Variants in AGBL1 observed in about 807,000 individuals in gnomAD.
AGBL1 encodes AGBL carboxypeptidase 1.
Under a neutral mutation model 118.9 loss-of-function variants are expected in AGBL1, and 130 were observed. The ratio of observed to expected loss-of-function variants is 1.09; its 90% CI spans 0.95 to 1.26. The LOEUF (loss-of-function observed/expected upper bound fraction) is 1.26. AGBL1 is among the 50% of genes most tolerant of loss of function. The pLI is 0.00. For missense variants in AGBL1, 1,584 were observed against 1,298.1 expected (o/e 1.22, Z -3.38); for synonymous variants, 555 against 478.9 (o/e 1.16, Z -2.08).
At chr15:86,592,977 C>A (rs890761249) in intron 21 of AGBL1, among the ~76,000 whole-genome samples, 7 of 152,090 alleles carry the variant, frequency 4.6e-5, no homozygotes, top group African/African-American at 1.7e-4. Context: ...TTCATCGTTA[C>A]TTCATATTTA....
intron 22 of AGBL1, among the ~76,000 whole-genome samples, chr15:86,720,029 AC>A (rs1265488949): frequency 6.6e-6 from 1 of 152,082 alleles, no homozygotes; most frequent in Non-Finnish European, 1.5e-5. Flanking sequence ...GATTTCCCAG[AC>A]CTTTGCTTAT....
chr15:86,731,180 T>C (rs1017709917), intron 22 of AGBL1, among the ~76,000 whole-genome samples: 16 of 152,126 alleles, frequency 1.1e-4, no homozygotes, highest in African/African-American at 3.6e-4. Flanking sequence ...ATGAATTATG[T>C]CCAAACTATT....
At position 86,961,780 on chromosome 15, in the gene AGBL1, C is replaced by T. The variant is rs74027193; in HGVS notation, c.3222-26207C>T. On this transcript the variant is annotated intron_variant, in intron 23 of 24. Coordinates refer to the AGBL1 transcript ENST00000441037. The stretch of plus-strand genomic sequence containing the variant: ...TCCTGGATTCCCTAGCTCTAGAGCA[C>T]ACATTCAGGTGCATCTGCCATACAG... Among the ~76,000 whole-genome samples the T allele has an allele frequency of 7.3e-3, 1,111 of 152,182 alleles. 17 individuals carry two copies. The highest frequency in any genetic ancestry group is 0.025 in the African/African-American group (1,059 of 41,560).
At chr15:86,514,135 A>AACAC (rs3084321) in intron 18 of AGBL1, among the ~76,000 whole-genome samples, 47,115 of 149,094 alleles carry the variant, frequency 0.32, 7,504 homozygotes, top group East Asian at 0.55. Context: ...TACACACACA[A>AACAC]ACACACACAC....
At chr15:86,475,868 C>A (rs1427837514) in intron 18 of AGBL1, among the ~76,000 whole-genome samples, 1 of 152,204 alleles carries the variant, frequency 6.6e-6, no homozygotes, top group South Asian at 2.1e-4. Context: ...AGACTAACAG[C>A]GGATCTCTCA....
chr15:86,135,405 A>G (rs944999647), intron 1 of AGBL1, among the ~76,000 whole-genome samples: 4 of 152,236 alleles, frequency 2.6e-5, no homozygotes, highest in African/African-American at 2.4e-5. Flanking sequence ...ATAACAACAC[A>G]AAAGACAGAC....
intron 18 of AGBL1, among the ~76,000 whole-genome samples, chr15:86,431,556 T>C (rs76956787): frequency 6.6e-6 from 1 of 152,370 alleles, no homozygotes; most frequent in Non-Finnish European, 1.5e-5. Flanking sequence ...AAGAACTATG[T>C]GTAAAATATT....
intron 18 of AGBL1, among the ~76,000 whole-genome samples, chr15:86,473,532 A>G (rs1444750497): frequency 6.6e-6 from 1 of 152,078 alleles, no homozygotes; most frequent in Non-Finnish European, 1.5e-5. Flanking sequence ...ATGTGTATGT[A>G]GTGTGTATAT....
intron 17 of AGBL1, among the ~76,000 whole-genome samples, chr15:86,382,508 A>T (rs1383413161): frequency 6.6e-6 from 1 of 151,912 alleles, no homozygotes; most frequent in Non-Finnish European, 1.5e-5. Context: ...AAATATACCT[A>T]ATTCTAAAGG....
intron 4 of AGBL1, among the ~76,000 whole-genome samples, chr15:86,155,205 C>T (rs185778891): frequency 3.3e-5 from 5 of 152,228 alleles, no homozygotes; most frequent in Admixed American, 6.5e-5. Context: ...TGGTGGCTCA[C>T]GCCTGTAATC....
chr15:86,606,626 T>A (rs1268054129), intron 21 of AGBL1, among the ~76,000 whole-genome samples: 1 of 152,216 alleles, frequency 6.6e-6, no homozygotes, highest in Admixed American at 6.6e-5. Flanking sequence ...TCTTGAACTC[T>A]GTGAAATTAG....
At chr15:86,954,480 T>C (rs565905055) in intron 23 of AGBL1, among the ~76,000 whole-genome samples, 2 of 152,318 alleles carry the variant, frequency 1.3e-5, no homozygotes, top group South Asian at 4.1e-4. Context: ...ATAGAAAGAT[T>C]GAAATCATGT....
chr15:86,806,836 CTATTT>C (rs981726579), intron 22 of AGBL1, among the ~76,000 whole-genome samples: 17 of 148,850 alleles, frequency 1.1e-4, no homozygotes, highest in African/African-American at 3.2e-4. Flanking sequence ...TAATTAATAA[CTATTT>C]TATCTTTTAC....
At chr15:86,216,736 T>C (rs2078196223) in intron 5 of AGBL1, among the ~76,000 whole-genome samples, 1 of 152,156 alleles carries the variant, frequency 6.6e-6, no homozygotes, top group African/African-American at 2.4e-5. Flanking sequence ...TGTAGAGTTG[T>C]CAGAGAAGTC....
chr15:86,226,074 G>A (rs968753798), intron 6 of AGBL1, among the ~76,000 whole-genome samples: 4 of 152,162 alleles, frequency 2.6e-5, no homozygotes, highest in Non-Finnish European at 5.9e-5. Flanking sequence ...ACAGCTTAAA[G>A]ACCTGCAGGT....
At chr15:86,252,613 G>A (rs1432037341) in intron 7 of AGBL1, among the ~76,000 whole-genome samples, 2 of 152,280 alleles carry the variant, frequency 1.3e-5, no homozygotes, top group South Asian at 4.1e-4. Context: ...GCCCTACTTG[G>A]TCTTGCTGAC....
chr15:86,716,551 C>T (rs77505996), intron 22 of AGBL1, among the ~76,000 whole-genome samples: 1 of 152,014 alleles, frequency 6.6e-6, no homozygotes, highest in Non-Finnish European at 1.5e-5. Context: ...AACCAACTGA[C>T]CAAGACTTGG....
At chr15:86,836,840 A>G (rs548962520) in intron 22 of AGBL1, among the ~76,000 whole-genome samples, 1 of 152,314 alleles carries the variant, frequency 6.6e-6, no homozygotes, top group South Asian at 2.1e-4. Flanking sequence ...CTTCCCAGAT[A>G]GTAGTAGCCA....
intron 23 of AGBL1, among the ~76,000 whole-genome samples, chr15:86,943,417 C>G (rs2080778702): frequency 6.6e-6 from 1 of 152,220 alleles, no homozygotes; most frequent in African/African-American, 2.4e-5. Flanking sequence ...ATATCTCTCT[C>G]CTGCAGAGAG....
Sources: gnomAD v4.1 joint callset for allele counts (sites outside exome capture counted in the v4.1 genomes callset) on GRCh38, gnomAD v4.1.1 for gene constraint, MANE v1.5 for transcripts, NCBI Gene and HGNC (gene_info 2026-07-23, HGNC 2026-07-21) for gene names.